Variants in LHPP observed in about 807,000 individuals in gnomAD.
The protein encoded by LHPP is hLHPP.
A neutral mutation model predicts 30.3 loss-of-function variants in LHPP; 24 were observed. The observed-to-expected ratio is 0.79, with a 90% confidence interval of 0.57 to 1.11. The LOEUF (loss-of-function observed/expected upper bound fraction) is 1.11. Among genes scored for constraint, LHPP ranks in the 50% most tolerant of loss-of-function variants. The probability of loss-of-function intolerance (pLI) is 0.00; values close to 1 mark genes in which losing one functional copy is unlikely to be tolerated. For missense variants in LHPP, 356 were observed against 367.2 expected, an observed-to-expected ratio of 0.97 and a Z score of 0.25; for synonymous variants, 150 against 157.1, an observed-to-expected ratio of 0.95 and a Z score of 0.34.
intron 6 of LHPP, among the ~76,000 whole-genome samples, chr10:124,551,581 A>C (rs1462001091): frequency 6.6e-6 from 1 of 152,136 alleles, no homozygotes; most frequent in African/African-American, 2.4e-5. Context: ...CATCCTCAGC[A>C]GGGGTCCCAG....
chr10:124,495,162 G>A (rs1465489939), intron 3 of LHPP, among the ~76,000 whole-genome samples: 6 of 152,140 alleles, frequency 3.9e-5, no homozygotes, highest in East Asian at 1.9e-4. Flanking sequence ...GTTTTTGGGG[G>A]TCACTCTAAA....
intron 2 of LHPP, among the ~76,000 whole-genome samples, chr10:124,486,653 G>A (rs958929648): frequency 6.6e-6 from 1 of 152,264 alleles, no homozygotes; most frequent in Non-Finnish European, 1.5e-5. Flanking sequence ...GCTCACTGGA[G>A]CCTCAGTGTC....
At chr10:124,483,852 G>T (rs1453957285) in intron 1 of LHPP, among the ~76,000 whole-genome samples, 1 of 152,002 alleles carries the variant, frequency 6.6e-6, no homozygotes, top group African/African-American at 2.4e-5. Flanking sequence ...CAATGAAAAG[G>T]GGGGTCAGGT....
intron 6 of LHPP, among the ~76,000 whole-genome samples, chr10:124,553,742 A>T (rs1324847207): frequency 2.6e-5 from 4 of 152,096 alleles, no homozygotes; most frequent in Admixed American, 2.6e-4. Context: ...TACAGGCGTG[A>T]GCCACCACGC....
At chr10:124,586,063 C>T (rs1394664676) in intron 6 of LHPP, among the ~76,000 whole-genome samples, 1 of 148,136 alleles carries the variant, frequency 6.8e-6, no homozygotes, top group African/African-American at 2.4e-5. Context: ...GGATTACAGG[C>T]GTGAGCCACA....
intron 6 of LHPP, among the ~76,000 whole-genome samples, chr10:124,533,954 C>A (rs1954957715): frequency 6.6e-6 from 1 of 151,760 alleles, no homozygotes; most frequent in African/African-American, 2.4e-5. Flanking sequence ...TGAGTCGAGG[C>A]TCATTGGGTT....
chr10:124,601,761 C>T (rs1949025423), intron 6 of LHPP, among the ~76,000 whole-genome samples: 1 of 152,252 alleles, frequency 6.6e-6, no homozygotes, highest in African/African-American at 2.4e-5. Flanking sequence ...AAAAACCCTT[C>T]CCCGCCAGGC....
chr10:124,517,219 G>C lies in LHPP; in HGVS notation c.664G>C (p.Gly222Arg), dbSNP rs372122309. The C allele has an allele frequency of 6.2e-7, 1 of 1,606,186 alleles. No homozygotes were observed. Among genetic ancestry groups the C allele is most frequent in the Non-Finnish European group, 8.5e-7 (1 of 1,176,710 alleles). ...GGACGATATCGTGGGCGACGTCGGC[G>C]GTGCCCAGCGGTGTGGAATGAGAGC... ...IGDDIVGDVGGAQRCGMRALQ... is the reference protein window; with the variant it reads ...IGDDIVGDVGRAQRCGMRALQ... The change falls in exon 6 of 7, where the codon GGT (glycine) becomes CGT (arginine). Residue 222 changes from glycine (G) to arginine (R), a missense_variant. By Grantham distance (125) the Gly-to-Arg change is moderately radical. Transcript: ENST00000368842. This position sits in a 1 kb window ranked among gnomAD's most constrained non-coding sequence, Gnocchi z 4.1.
At chr10:124,470,188 G>A (rs1297547616) in intron 1 of LHPP, among the ~76,000 whole-genome samples, 5 of 152,264 alleles carry the variant, frequency 3.3e-5, no homozygotes, top group Middle Eastern at 3.4e-3. Context: ...TGCAGAGGCC[G>A]GCCTCGGGGC....
chr10:124,488,652 C>A, intron 3 of LHPP, 77 bp downstream of exon 3: 1 of 1,371,298 alleles, frequency 7.3e-7, no homozygotes, highest in Non-Finnish European at 1.0e-6. Flanking sequence ...CGGAATCAGG[C>A]AGAGAAGGAT....
chr10:124,578,001 G>A (rs1489748896), intron 6 of LHPP, among the ~76,000 whole-genome samples: 2 of 152,154 alleles, frequency 1.3e-5, no homozygotes, highest in African/African-American at 4.8e-5. Context: ...TCCAAGGGCT[G>A]GAAGGACCTC....
chr10:124,531,630 A>G (rs1331277894), intron 6 of LHPP, among the ~76,000 whole-genome samples: 4 of 152,224 alleles, frequency 2.6e-5, no homozygotes, highest in Non-Finnish European at 2.9e-5. Context: ...GTGTTTTCTC[A>G]TGATACAACC....
rs140932143 is a variant in LHPP at position 124,484,798 on chromosome 10, C to T, written c.313+472C>T. 2.5e-3 allele frequency among the ~76,000 whole-genome samples: 385 copies of T among 152,250 alleles called. 6 individuals carry two copies. In the Middle Eastern group the frequency reaches 0.041, roughly 16 times the overall value. On this transcript the variant is annotated intron_variant, in intron 2 of 6. Transcript: ENST00000368842. ...GCCTTCAACTATGTGAAAACCAGCC[C>T]TGCTCTTTGGAACAGTTTGCAAATG...
chr10:124,509,606 G>T (rs1451723483), intron 5 of LHPP, among the ~76,000 whole-genome samples: 1 of 149,994 alleles, frequency 6.7e-6, no homozygotes. Flanking sequence ...TGTTAGTCTT[G>T]TTCCTTATGA....
At chr10:124,513,462 C>T (rs1288839950) in intron 5 of LHPP, among the ~76,000 whole-genome samples, 12 of 92,218 alleles carry the variant, frequency 1.3e-4, no homozygotes, top group African/African-American at 3.3e-4. Flanking sequence ...ATTATTATTA[C>T]TTTTTTTTTT....
chr10:124,529,891 C>T (rs772968929), intron 6 of LHPP, among the ~76,000 whole-genome samples: 35 of 152,182 alleles, frequency 2.3e-4, no homozygotes, highest in Non-Finnish European at 1.5e-4. Context: ...CCCAGCTGCC[C>T]CAGCGGGGAA....
chr10:124,596,104 G>A lies in LHPP; in HGVS notation c.717-17160G>A, dbSNP rs920389816. Among the ~76,000 whole-genome samples the A allele has an allele frequency of 2.6e-5, 4 of 152,140 alleles. No individual in the cohort carries two copies. Among genetic ancestry groups the A allele is most frequent in the South Asian group, 2.1e-4 (1 of 4,810 alleles). ...AGCCAGACTCCATCCTACGGCATCC[G>A]TGGGTGATGTTTCATCACGAGGCTG... On this transcript the variant is annotated intron_variant, in intron 6 of 6. Transcript: ENST00000368842. This position sits in a 1 kb window ranked among gnomAD's most constrained non-coding sequence, Gnocchi z 4.6.
At chr10:124,578,523 T>G (rs1336961493) in intron 6 of LHPP, among the ~76,000 whole-genome samples, 2 of 152,224 alleles carry the variant, frequency 1.3e-5, no homozygotes, top group Non-Finnish European at 2.9e-5. Context: ...CGGTTACCAC[T>G]GGTGTGACGG....
intron 6 of LHPP, among the ~76,000 whole-genome samples, chr10:124,591,045 G>C (rs1948877240): frequency 6.6e-6 from 1 of 152,160 alleles, no homozygotes; most frequent in African/African-American, 2.4e-5. Context: ...GGGGAGTGCA[G>C]AGCAGCCCTC....
Sources: gnomAD v4.1 joint callset for allele counts (sites outside exome capture counted in the v4.1 genomes callset) on GRCh38, gnomAD v4.1.1 for gene constraint, Gnocchi (gnomAD v3.1) non-coding constraint, MANE v1.5 for transcripts, NCBI Gene and HGNC (gene_info 2026-07-23, HGNC 2026-07-21) for gene names.